Variants in GNPTAB observed in about 807,000 individuals in gnomAD.
GNPTAB encodes N-acetylglucosamine-1-phosphotransferase subunits alpha/beta.
In GNPTAB, 92 loss-of-function variants were observed where a neutral mutation model predicts 136.6. The observed-to-expected ratio is 0.67, with a 90% CI of 0.57 to 0.80. The LOEUF is 0.80. Ranked by LOEUF, GNPTAB falls within the 30% of genes least tolerant of loss-of-function variation. GNPTAB has a pLI of 0.00. For missense variants in GNPTAB, 1,343 were observed against 1,501.8 expected (o/e 0.89, Z 1.75); for synonymous variants, 512 against 535.1 (o/e 0.96, Z 0.60).
chr12:101,814,884 CAT>C (rs1870436020), intron 1 of GNPTAB, among the ~76,000 whole-genome samples: 1 of 152,130 alleles, frequency 6.6e-6, no homozygotes, highest in African/African-American at 2.4e-5. Context: ...TGCAATGTCA[CAT>C]GTCCTGTAGG....
chr12:101,757,354 A>ATTT lies in GNPTAB; in HGVS notation c.3336-45_3336-44insAAA, dbSNP rs766483004. ...TTGAAGAGTTTAAATAATTACATGG[A>ATTT]TATAAAAAATAAAACTTCAATAGAA... On this transcript the variant is annotated intron_variant, in intron 17 of 20. Transcript: ENST00000299314. The ATTT allele has an allele frequency of 6.1e-6, 7 of 1,142,988 alleles. No homozygotes were observed. In the Admixed American group the frequency reaches 7.6e-5, roughly 12 times the overall value. 70.8% of individuals were successfully genotyped at this position (1,142,988 alleles called of 1,614,324 possible). A position where few individuals can be genotyped will look rare whatever the true frequency, so the allele number is the denominator to read the frequency against.
chr12:101,807,795 C>T (rs1052198457), intron 1 of GNPTAB, among the ~76,000 whole-genome samples: 5 of 151,862 alleles, frequency 3.3e-5, no homozygotes, highest in African/African-American at 1.2e-4. Context: ...CCAGGTGTGG[C>T]GGCGCACACT....
chr12:101,791,448 T>C (rs1033009525), intron 2 of GNPTAB, among the ~76,000 whole-genome samples: 1 of 132,294 alleles, frequency 7.6e-6, no homozygotes, highest in East Asian at 2.2e-4. Flanking sequence ...ACACTAAAGA[T>C]AGTTGATGAG....
Position 101,770,132 on chromosome 12 carries a change from G to A in GNPTAB, c.1173C>T (p.His391=), listed in dbSNP as rs142320578. 2.5e-6 allele frequency: 4 copies of A among 1,614,172 alleles called. No individual in the cohort carries two copies. The highest frequency in any genetic ancestry group is 3.4e-6 in the Non-Finnish European group (4 of 1,179,992). ...GGGACAGCCCTTCGATGCGATGAATGTGACTTTCAATAGCAGGTGAACTAA... is the reference window on the plus strand; with the variant it reads ...GGGACAGCCCTTCGATGCGATGAATATGACTTTCAATAGCAGGTGAACTAA... ...PTFSSPAIES[H]IHRIEGLSQK... Residue 391 remains histidine, a synonymous_variant, in exon 10 of 21, where the codon CAC becomes CAT. Coordinates refer to ENST00000299314, the MANE Select transcript of GNPTAB (RefSeq NM_024312.5).
In GNPTAB at chr12:101,765,052, T is replaced by G. The variant is rs1457540901; in HGVS notation, c.1865A>C (p.Asp622Ala). ...TGTTATCTGCATTTTGAACTCTTCATCGTTTGTATTTTGAAACGTGAGATT... is the reference window on the plus strand; with the variant it reads ...TGTTATCTGCATTTTGAACTCTTCAGCGTTTGTATTTTGAAACGTGAGATT... ...HFNLTFQNTNDEEFKMQITVE... is the reference protein window; with the variant it reads ...HFNLTFQNTNAEEFKMQITVE... The change falls in exon 13 of 21, where the codon GAT (aspartate) becomes GCT (alanine). Residue 622 changes from aspartate (D) to alanine (A), a missense_variant. Coordinates refer to ENST00000299314, the MANE Select transcript of GNPTAB (RefSeq NM_024312.5). 1 of 1,614,064 alleles carries G rather than the reference T, an allele frequency of 6.2e-7. No individual in the cohort carries two copies. Among genetic ancestry groups the G allele is most frequent in the African/African-American group, 1.3e-5 (1 of 74,956 alleles).
intron 7 of GNPTAB, among the ~76,000 whole-genome samples, chr12:101,774,002 A>G (rs964035996): frequency 1.3e-5 from 2 of 152,262 alleles, no homozygotes; most frequent in Admixed American, 6.5e-5. Context: ...AACACGTAGC[A>G]TGACTAAGAA....
intron 1 of GNPTAB, among the ~76,000 whole-genome samples, chr12:101,798,650 G>C (rs549365569): frequency 6.6e-6 from 1 of 152,114 alleles, no homozygotes; most frequent in Non-Finnish European, 1.5e-5. Context: ...AATCATAACC[G>C]AATAAAATCA....
chr12:101,781,512 A>G (rs1467475310), intron 5 of GNPTAB, among the ~76,000 whole-genome samples: 1 of 152,078 alleles, frequency 6.6e-6, no homozygotes, highest in African/African-American at 2.4e-5. Flanking sequence ...CAAAAAACAA[A>G]CAAACAAACA....
rs1343486133 is a variant in GNPTAB at position 101,770,507 on chromosome 12, T to C, written c.1012A>G (p.Arg338Gly). Residue 338 changes from arginine to glycine, a missense_variant, in exon 9 of 21, where the codon AGG becomes GGG. By Grantham distance (125) the Arg-to-Gly change is moderately radical (BLOSUM62 -2). Coordinates refer to ENST00000299314, the MANE Select transcript of GNPTAB (RefSeq NM_024312.5). The part of the protein sequence containing the change: ...ELRYSLRSIE[R>G]HAPWVRNIFI... ...ATATTCCGAACCCATGGTGCATGCCTCTCGATAGATCGCAATGAGTACCTC... is the reference window on the plus strand; with the variant it reads ...ATATTCCGAACCCATGGTGCATGCCCCTCGATAGATCGCAATGAGTACCTC... The C allele has an allele frequency of 6.2e-7, 1 of 1,613,174 alleles. No homozygotes were observed. The highest frequency in any genetic ancestry group is 8.5e-7 in the Non-Finnish European group (1 of 1,179,094).
At chr12:101,761,979 C>T (rs1299597291) in intron 13 of GNPTAB, among the ~76,000 whole-genome samples, 3 of 151,032 alleles carry the variant, frequency 2.0e-5, no homozygotes, top group South Asian at 2.1e-4. Flanking sequence ...GGTTTGAGAA[C>T]AACAGCTGTA....
chr12:101,824,432 A>ATATATATATATATATATATATATAT (rs1188582277), intron 1 of GNPTAB, among the ~76,000 whole-genome samples: 2 of 50,886 alleles, frequency 3.9e-5, no homozygotes, highest in African/African-American at 8.5e-5. Flanking sequence ...ATATATATAT[A>ATATATATATATATATATATATATAT]TTTTCTTTTT....
intron 2 of GNPTAB, among the ~76,000 whole-genome samples, chr12:101,795,532 C>T (rs1455899580): frequency 6.6e-6 from 1 of 152,056 alleles, no homozygotes; most frequent in East Asian, 1.9e-4. Flanking sequence ...GCGGGTGGAT[C>T]ACCTGAGGTC....
rs895106879 is a variant in GNPTAB, at chr12:101,790,110, G to C, written c.204-53C>G. The C allele has an allele frequency of 1.1e-5, 18 of 1,612,402 alleles. No individual in the cohort carries two copies. In the African/African-American group the frequency reaches 2.0e-4, roughly 18 times the overall value. On this transcript the variant is annotated intron_variant, in intron 2 of 20. Coordinates refer to ENST00000299314, the MANE Select transcript of GNPTAB (RefSeq NM_024312.5). The stretch of plus-strand genomic sequence containing the variant: ...TTAAATGCATTTTTCCAATATATTT[G>C]GTAATAAGAATATCACAGGGTTTAA...
intron 1 of GNPTAB, among the ~76,000 whole-genome samples, chr12:101,825,632 C>T (rs1344351730): frequency 6.6e-6 from 1 of 152,104 alleles, no homozygotes; most frequent in Admixed American, 6.6e-5. Flanking sequence ...CACAAACCCC[C>T]CAAAACAAAG....
intron 1 of GNPTAB, among the ~76,000 whole-genome samples, chr12:101,824,278 C>T (rs1313389439): frequency 6.6e-6 from 1 of 151,362 alleles, no homozygotes; most frequent in African/African-American, 2.4e-5. Context: ...AATCCTTGTT[C>T]TCATATGAGG....
chr12:101,827,243 C>T (rs1007202528), intron 1 of GNPTAB, among the ~76,000 whole-genome samples: 1 of 152,032 alleles, frequency 6.6e-6, no homozygotes, highest in South Asian at 2.1e-4. Context: ...ATCCTCCCAC[C>T]CCAGTCTCCC....
intron 18 of GNPTAB, among the ~76,000 whole-genome samples, chr12:101,755,860 T>C (rs547555541): frequency 6.6e-6 from 1 of 152,330 alleles, no homozygotes; most frequent in African/African-American, 2.4e-5. Flanking sequence ...TAAACCCCTG[T>C]CCCTTTAAGT....
At chr12:101,814,550 A>G (rs1254262318) in intron 1 of GNPTAB, among the ~76,000 whole-genome samples, 2 of 152,078 alleles carry the variant, frequency 1.3e-5, no homozygotes, top group East Asian at 3.9e-4. Context: ...TACAAAAATT[A>G]GCCGGGTGTG....
intron 1 of GNPTAB, among the ~76,000 whole-genome samples, chr12:101,804,078 A>T (rs1869800491): frequency 6.6e-6 from 1 of 152,064 alleles, no homozygotes; most frequent in Non-Finnish European, 1.5e-5. Flanking sequence ...TTTAAAAAAA[A>T]AAAATTTTTA....
Sources: allele counts gnomAD v4.1 joint callset (sites outside exome capture counted in the v4.1 genomes callset), GRCh38; gene constraint gnomAD v4.1.1; transcripts MANE v1.5; gene names NCBI Gene and HGNC (gene_info 2026-07-23, HGNC 2026-07-21).